HIKESHI: variants seen among roughly 807,000 people sequenced by gnomAD.
HIKESHI encodes the protein protein Hikeshi.
In HIKESHI, 13 loss-of-function variants were observed where a neutral mutation model predicts 25.7. The observed-to-expected ratio is 0.51, with a 90% CI of 0.33 to 0.80. HIKESHI has a LOEUF of 0.80. Among genes scored for constraint, HIKESHI ranks in the 30% least tolerant of loss-of-function variants. HIKESHI has a pLI of 0.02. For synonymous variants in HIKESHI, 76 were observed against 78.7 expected, an observed-to-expected ratio of 0.97 and a Z score of 0.18; for missense variants, 174 against 229.5, an observed-to-expected ratio of 0.76 and a Z score of 1.56.
chr11:86,331,340 T>G (rs1947419273), intron 2 of HIKESHI, among the ~76,000 whole-genome samples: 1 of 152,026 alleles, frequency 6.6e-6, no homozygotes, highest in African/African-American at 2.4e-5. Context: ...AATACAAAAA[T>G]TAGCTGCACA....
chr11:86,331,116 G>A (rs1263853206), intron 2 of HIKESHI, among the ~76,000 whole-genome samples: 2 of 152,042 alleles, frequency 1.3e-5, no homozygotes, highest in Non-Finnish European at 2.9e-5. Context: ...GTAGTACCTT[G>A]TACACAGTTG....
chr11:86,318,236 G>A (rs1229373578), intron 2 of HIKESHI, among the ~76,000 whole-genome samples: 1 of 135,526 alleles, frequency 7.4e-6, no homozygotes, highest in Non-Finnish European at 1.5e-5. Flanking sequence ...CCCGGGAGAC[G>A]GAGCTTGCAG....
intron 2 of HIKESHI, among the ~76,000 whole-genome samples, chr11:86,332,412 A>C (rs929610296): frequency 6.6e-6 from 1 of 152,116 alleles, no homozygotes; most frequent in South Asian, 2.1e-4. Context: ...TCTTTTGTAG[A>C]GGTCTTAAAG....
chr11:86,333,489 C>A (rs897712441), intron 2 of HIKESHI, among the ~76,000 whole-genome samples: 1 of 151,476 alleles, frequency 6.6e-6, no homozygotes, highest in African/African-American at 2.4e-5. Context: ...GAGCCAAGAT[C>A]GTCCTACCGC....
intron 2 of HIKESHI, among the ~76,000 whole-genome samples, chr11:86,310,928 G>A (rs1284832472): frequency 2.6e-5 from 4 of 152,150 alleles, no homozygotes; most frequent in Admixed American, 6.5e-5. Context: ...GATCATGGTG[G>A]ATAAGCTTTT....
intron 2 of HIKESHI, among the ~76,000 whole-genome samples, chr11:86,308,060 T>C (rs866253480): frequency 2.4e-5 from 3 of 125,276 alleles, no homozygotes; most frequent in Middle Eastern, 0.019. Context: ...ACATATAATA[T>C]ATAATATGTA....
chr11:86,312,280 C>T (rs543792937), intron 2 of HIKESHI, among the ~76,000 whole-genome samples: 4 of 152,210 alleles, frequency 2.6e-5, no homozygotes, highest in African/African-American at 9.6e-5. Flanking sequence ...ATAGTTAGCT[C>T]TTCTTGTTGT....
intron 3 of HIKESHI, among the ~76,000 whole-genome samples, chr11:86,343,004 A>G (rs187003951): frequency 2.0e-5 from 3 of 152,206 alleles, no homozygotes; most frequent in Non-Finnish European, 1.5e-5. Context: ...AACATTGGAT[A>G]TATGGGTTTA....
chr11:86,312,338 C>T lies in HIKESHI; in HGVS notation c.268+5856C>T, dbSNP rs546343805. 2.5e-4 allele frequency among the ~76,000 whole-genome samples: 38 copies of T among 152,142 alleles called. No homozygotes were observed. The East Asian group carries it at 7.1e-3, about 29-fold the overall frequency. On this transcript the variant is annotated intron_variant, in intron 2 of 4. Transcript: ENST00000278483. ...AATGGCCTTCTTTGTCTCTTTTGAT[C>T]TTTGTTGGTTTAAAGTCTGTTTTAT...
chr11:86,302,514 A>G (rs1946523262), intron 1 of HIKESHI, 36 bp downstream of exon 1: 1 of 1,548,936 alleles, frequency 6.5e-7, no homozygotes, highest in Non-Finnish European at 8.7e-7. Context: ...GGAAGGGGTC[A>G]GGATACCGAG....
chr11:86,311,138 C>G (rs570284259), intron 2 of HIKESHI, among the ~76,000 whole-genome samples: 1 of 152,258 alleles, frequency 6.6e-6, no homozygotes, highest in African/African-American at 2.4e-5. Context: ...TGGAGTGGTA[C>G]CAGCTATTCT....
intron 2 of HIKESHI, among the ~76,000 whole-genome samples, chr11:86,317,540 C>T (rs572297582): frequency 1.3e-5 from 2 of 152,320 alleles, no homozygotes; most frequent in East Asian, 3.9e-4. Flanking sequence ...TGTGGTGGCT[C>T]ATGCCTATAA....
intron 2 of HIKESHI, among the ~76,000 whole-genome samples, chr11:86,315,656 G>A (rs548835666): frequency 7.5e-6 from 1 of 133,418 alleles, no homozygotes; most frequent in African/African-American, 2.9e-5. Context: ...ATTCTAAAGT[G>A]AAGAAATATA....
chr11:86,305,443 A>G (rs1170003626), intron 1 of HIKESHI, among the ~76,000 whole-genome samples: 2 of 150,528 alleles, frequency 1.3e-5, no homozygotes, highest in Non-Finnish European at 3.0e-5. Context: ...GGCTGGTGCA[A>G]TGGCGCGATC....
intron 2 of HIKESHI, among the ~76,000 whole-genome samples, chr11:86,334,234 A>ATG (rs1555186477): frequency 1.7e-4 from 22 of 125,940 alleles, no homozygotes; most frequent in Non-Finnish European, 2.8e-4. Context: ...TCTTTGTAAA[A>ATG]TATGTGTGTG....
chr11:86,303,818 A>C (rs1565716173), intron 1 of HIKESHI, among the ~76,000 whole-genome samples: 1 of 152,010 alleles, frequency 6.6e-6, no homozygotes, highest in Non-Finnish European at 1.5e-5. Flanking sequence ...ATTTCTTAAG[A>C]TTTTTTTTCT....
At chr11:86,329,574 C>CTTTTT (rs71040232) in intron 2 of HIKESHI, among the ~76,000 whole-genome samples, 1 of 143,880 alleles carries the variant, frequency 7.0e-6, no homozygotes, top group Non-Finnish European at 1.5e-5. Flanking sequence ...CCTGTGATTT[C>CTTTTT]TTTTTTTTTT....
chr11:86,329,315 C>T (rs569900024), intron 2 of HIKESHI, among the ~76,000 whole-genome samples: 24 of 151,970 alleles, frequency 1.6e-4, no homozygotes, highest in Non-Finnish European at 2.6e-4. Flanking sequence ...ATTACCCATT[C>T]CTCATTGGGC....
intron 2 of HIKESHI, among the ~76,000 whole-genome samples, chr11:86,308,158 T>TATATATTACATATAAA (rs1367668656): frequency 0.036 from 795 of 21,794 alleles, 16 homozygotes; most frequent in African/African-American, 0.056. Flanking sequence ...TTGTATAAAA[T>TATATATTACATATAAA]ATATATTACA....
Sources: gnomAD v4.1 joint callset for allele counts (sites outside exome capture counted in the v4.1 genomes callset) on GRCh38, gnomAD v4.1.1 for gene constraint, MANE v1.5 for transcripts, NCBI Gene and HGNC (gene_info 2026-07-23, HGNC 2026-07-21) for gene names.